Variants in SLC17A8 observed in about 807,000 individuals in gnomAD.
SLC17A8 encodes the protein vesicular glutamate transporter 3.
SLC17A8 carries 31 observed loss-of-function variants against 58.0 expected under a neutral mutation model. The observed-to-expected ratio is 0.53, with a 90% CI of 0.40 to 0.72. The LOEUF is 0.72. Among genes scored for constraint, SLC17A8 ranks in the 30% least tolerant of loss-of-function variants. The pLI is 0.00. For synonymous variants in SLC17A8, 228 were observed against 249.0 expected (o/e 0.92, Z 0.79); for missense variants, 655 against 727.8 (o/e 0.90, Z 1.15).
chr12:100,419,847 A>T lies in SLC17A8; in HGVS notation c.1458A>T (p.Ile486=), dbSNP rs747318969. Residue 486 remains isoleucine, a synonymous_variant, in exon 12 of 12, where the codon ATA becomes ATT. Transcript: ENST00000323346. ...AAGAATGGCAGAATGTGTTCCTCAT[A>T]GCTGCCCTGGTGCATTACAGTGGTG... ...TREEWQNVFL[I]AALVHYSGVI... is the part of the protein sequence containing the mutation. The T allele has an allele frequency of 6.2e-7, 1 of 1,614,006 alleles. No individual in the cohort carries two copies. The highest frequency in any genetic ancestry group is 1.7e-5 in the Admixed American group (1 of 60,030).
chr12:100,370,226 T>C (rs1952549787), intron 1 of SLC17A8, among the ~76,000 whole-genome samples: 1 of 152,178 alleles, frequency 6.6e-6, no homozygotes, highest in African/African-American at 2.4e-5. Flanking sequence ...AGTTCCAGGA[T>C]TACAGGTGTG....
chr12:100,358,520 T>C (rs1028532791), intron 1 of SLC17A8, among the ~76,000 whole-genome samples: 1 of 152,204 alleles, frequency 6.6e-6, no homozygotes. Flanking sequence ...TCACTGTTAA[T>C]ATTAACTTTC....
intron 10 of SLC17A8, among the ~76,000 whole-genome samples, chr12:100,413,276 AC>A (rs1244310765): frequency 1.3e-5 from 2 of 152,202 alleles, no homozygotes; most frequent in African/African-American, 4.8e-5. Flanking sequence ...GAGTGTCATT[AC>A]AGTCATAGGA....
At chr12:100,399,663 G>A (rs7958867) in intron 5 of SLC17A8, among the ~76,000 whole-genome samples, 2 of 151,960 alleles carry the variant, frequency 1.3e-5, no homozygotes, top group Non-Finnish European at 2.9e-5. Context: ...ACTCACTATC[G>A]TAAGAACAGC....
At chr12:100,366,677 AT>A (rs1458995446) in intron 1 of SLC17A8, among the ~76,000 whole-genome samples, 3 of 152,000 alleles carry the variant, frequency 2.0e-5, no homozygotes, top group Non-Finnish European at 4.4e-5. Context: ...CAGTCTTTGG[AT>A]TCTGGCCTAG....
At chr12:100,386,083 A>G (rs1174749325) in intron 2 of SLC17A8, among the ~76,000 whole-genome samples, 3 of 152,192 alleles carry the variant, frequency 2.0e-5, no homozygotes, top group Non-Finnish European at 4.4e-5. Flanking sequence ...GCCCAGCTGG[A>G]TAGTCCAGAT....
In SLC17A8 at chr12:100,401,997, T is replaced by C. The variant is rs560690157; in HGVS notation, c.763+134T>C. On this transcript the variant is annotated intron_variant, in intron 6 of 11. Coordinates refer to ENST00000323346, the MANE Select transcript of SLC17A8 (RefSeq NM_139319.3). ...AGTTTATTGTATAAATGGAATACTTTATCTATGATTTGATTAATATTTATA... is the reference window on the plus strand; with the variant it reads ...AGTTTATTGTATAAATGGAATACTTCATCTATGATTTGATTAATATTTATA... 168 of 761,728 alleles carry C rather than the reference T, an allele frequency of 2.2e-4. 1 individual carries two copies. In the African/African-American group the frequency reaches 2.6e-3, roughly 12 times the overall value. 47.2% of individuals were successfully genotyped at this position (761,728 alleles called of 1,614,324 possible).
chr12:100,417,939 T>C lies in SLC17A8; in HGVS notation c.1298-90T>C, dbSNP rs187622942. On this transcript the variant is annotated intron_variant, in intron 10 of 11. Coordinates refer to ENST00000323346, the MANE Select transcript of SLC17A8 (RefSeq NM_139319.3). ...CATATACTAGAGGAAACCAAACAGA[T>C]TGGTAAAGGCTGGGGCAACTGAGTA... 10 of 1,541,118 alleles carry C rather than the reference T, an allele frequency of 6.5e-6. No homozygotes were observed. The East Asian group carries it at 1.8e-4, about 28-fold the overall frequency.
intron 4 of SLC17A8, 119 bp from the exon 5 acceptor site, chr12:100,396,211 A>T: frequency 1.3e-6 from 1 of 790,014 alleles, no homozygotes; most frequent in South Asian, 1.4e-5. Flanking sequence ...TCAACCTACA[A>T]CAGTGTCTGT....
chr12:100,393,474 T>A lies in SLC17A8; in HGVS notation c.579T>A (p.Gly193=), dbSNP rs200843750. 7 of 1,611,014 alleles carry A rather than the reference T, an allele frequency of 4.3e-6. No individual in the cohort carries two copies. The highest frequency in any genetic ancestry group is 5.1e-6 in the Non-Finnish European group (6 of 1,177,434). Residue 193 remains glycine, a synonymous_variant, in exon 4 of 12, where the codon GGT becomes GGA. Transcript: ENST00000323346. ...GCVMCVRILQ[G]LVEGVTYPAC... is the part of the protein sequence containing the mutation. Reference sequence around the variant, plus strand: ...TCATGTGTGTCAGAATTCTGCAAGGTTTAGTGGAGGTAGGAGATACTTTCC... The same window carrying A: ...TCATGTGTGTCAGAATTCTGCAAGGATTAGTGGAGGTAGGAGATACTTTCC...
intron 10 of SLC17A8, 118 bp from the exon 11 acceptor site, chr12:100,417,911 A>G: frequency 1.6e-6 from 2 of 1,249,594 alleles, no homozygotes; most frequent in Non-Finnish European, 2.3e-6. Flanking sequence ...TCTGGAAACT[A>G]GTCATATACT....
Position 100,421,658 on chromosome 12 carries a change from GTTTTTTTTTTTT to G in SLC17A8, c.*1510_*1521del. ...TACTTGTAGCTTATTATTGTAAAGT[GTTTTTTTTTTTT>G]TTTTTTTTTTCTAATTTCTCCCACA... On this transcript the variant is annotated 3_prime_UTR_variant, in exon 12 of 12. Transcript: ENST00000323346. 9.1e-6 allele frequency: 1 copy of G among 109,856 alleles called. No homozygotes were observed. The highest frequency in any genetic ancestry group is 3.1e-4 in the South Asian group (1 of 3,234). The allele number at this position is 109,856 out of a possible 1,614,324, so 6.8% of individuals were successfully genotyped here. A position where few individuals can be genotyped will look rare whatever the true frequency, so the allele number is the denominator to read the frequency against.
chr12:100,400,195 T>A (rs1952781577), intron 5 of SLC17A8, among the ~76,000 whole-genome samples: 1 of 152,174 alleles, frequency 6.6e-6, no homozygotes, highest in South Asian at 2.1e-4. Flanking sequence ...CCACCCCACC[T>A]CCCAGGGTAT....
rs151042183 is a variant in SLC17A8 at position 100,367,580 on chromosome 12, T to C, written c.101+10088T>C. Among the ~76,000 whole-genome samples, 767 of 152,334 alleles carry C rather than the reference T, an allele frequency of 5.0e-3. 2 individuals are homozygous for C. Among genetic ancestry groups the C allele is most frequent in the Non-Finnish European group, 8.8e-3 (601 of 68,030 alleles). ...TTATTTATTTATTTGAGACAGGGTCTCACTCTGTCACCTAGGCTGGAGTGC... is the reference window on the plus strand; with the variant it reads ...TTATTTATTTATTTGAGACAGGGTCCCACTCTGTCACCTAGGCTGGAGTGC... On this transcript the variant is annotated intron_variant, in intron 1 of 11. Transcript: ENST00000323346.
intron 2 of SLC17A8, among the ~76,000 whole-genome samples, chr12:100,390,353 ATT>A (rs36053003): frequency 6.8e-6 from 1 of 147,518 alleles, no homozygotes; most frequent in Admixed American, 6.8e-5. Flanking sequence ...TGTTTGTTTC[ATT>A]TTTTTTTTTG....
chr12:100,381,795 T>C (rs79925625), intron 2 of SLC17A8, among the ~76,000 whole-genome samples: 2,290 of 152,320 alleles, frequency 0.015, 58 homozygotes, highest in African/African-American at 0.052. Flanking sequence ...ATTTGTGACA[T>C]AGAAACATAT....
chr12:100,357,713 T>C (rs187413001), intron 1 of SLC17A8, among the ~76,000 whole-genome samples: 7 of 152,320 alleles, frequency 4.6e-5, no homozygotes, highest in African/African-American at 1.2e-4. Context: ...AAGACAAATA[T>C]GCTGTTTATA....
At chr12:100,384,711 C>T (rs1446073575) in intron 2 of SLC17A8, among the ~76,000 whole-genome samples, 1 of 152,122 alleles carries the variant, frequency 6.6e-6, no homozygotes, top group African/African-American at 2.4e-5. Flanking sequence ...TGAGGTGGGG[C>T]TGAAACCCAG....
intron 9 of SLC17A8, among the ~76,000 whole-genome samples, chr12:100,411,513 T>C (rs1468369634): frequency 1.3e-5 from 2 of 151,844 alleles, no homozygotes; most frequent in Admixed American, 6.6e-5. Context: ...TAAATAAAAA[T>C]AGGGGATGAG....
Sources: allele counts gnomAD v4.1 joint callset (sites outside exome capture counted in the v4.1 genomes callset), GRCh38; gene constraint gnomAD v4.1.1; transcripts MANE v1.5; gene names NCBI Gene and HGNC (gene_info 2026-07-23, HGNC 2026-07-21).